The following BANK1 variants were observed in gnomAD, a reference collection of about 807,000 sequenced individuals.
BANK1 encodes B cell scaffold protein with ankyrin repeats 1.
A neutral mutation model predicts 94.5 loss-of-function variants in BANK1; 95 were observed. That is an observed-to-expected ratio of 1.00 (90% CI 0.85 to 1.19). BANK1 has a LOEUF of 1.19. Ranked by LOEUF, BANK1 falls within the 50% of genes most tolerant of loss-of-function variation. BANK1 has a pLI of 0.00. For synonymous variants in BANK1, 334 were observed against 308.4 expected (o/e 1.08, Z -0.87); for missense variants, 987 against 932.2 (o/e 1.06, Z -0.77).
At chr4:101,936,416 T>C (rs1161264345) in intron 7 of BANK1, among the ~76,000 whole-genome samples, 5 of 150,330 alleles carry the variant, frequency 3.3e-5, no homozygotes, top group Non-Finnish European at 5.9e-5. Flanking sequence ...CGTATGCATG[T>C]ATACATGCAT....
chr4:101,862,906 A>G (rs1026384879), intron 4 of BANK1, among the ~76,000 whole-genome samples: 6 of 152,062 alleles, frequency 3.9e-5, no homozygotes, highest in Admixed American at 3.3e-4. Context: ...AACATCATAC[A>G]TTTTTAAATA....
intron 1 of BANK1, chr4:101,814,013 A>G: frequency 1.8e-6 from 1 of 563,392 alleles, no homozygotes; most frequent in Non-Finnish European, 2.3e-6. Context: ...AAATTTTGAG[A>G]TGATATTTCT....
intron 7 of BANK1, among the ~76,000 whole-genome samples, chr4:101,995,291 C>T (rs1156473190): frequency 1.3e-5 from 2 of 152,168 alleles, no homozygotes; most frequent in Non-Finnish European, 2.9e-5. Flanking sequence ...TTCTTTATGG[C>T]TGCATAGTAC....
rs143704588 is a variant in BANK1, at chr4:101,987,386, T to C, written c.1207-34128T>C. Among the ~76,000 whole-genome samples the C allele has an allele frequency of 8.5e-4, 130 of 152,272 alleles. 1 individual carries two copies. The East Asian group carries it at 0.023, about 27-fold the overall frequency. On this transcript the variant is annotated intron_variant, in intron 7 of 16. Transcript: ENST00000322953. ...AAACTGAGTCACAGAGAGTTTATGT[T>C]ACATTTTCAAGGTCTTGCTGATAAT...
chr4:102,067,375 C>G (rs1289646854), intron 13 of BANK1, among the ~76,000 whole-genome samples: 2 of 151,914 alleles, frequency 1.3e-5, no homozygotes, highest in East Asian at 3.9e-4. Flanking sequence ...AGACTGGAAA[C>G]AAAAGCAATA....
intron 7 of BANK1, among the ~76,000 whole-genome samples, chr4:102,010,068 C>T (rs749370540): frequency 4.6e-5 from 7 of 151,848 alleles, no homozygotes; most frequent in Admixed American, 3.9e-4. Flanking sequence ...AGATCGAGAC[C>T]ATCCTGGCTA....
chr4:101,868,490 G>T (rs1403218235), intron 4 of BANK1, among the ~76,000 whole-genome samples: 1 of 151,930 alleles, frequency 6.6e-6, no homozygotes, highest in Admixed American at 6.6e-5. Context: ...TGCTGGAATT[G>T]AAAAGAGCAA....
At chr4:101,825,245 T>G (rs1245936615) in intron 1 of BANK1, among the ~76,000 whole-genome samples, 1 of 152,152 alleles carries the variant, frequency 6.6e-6, no homozygotes, top group Non-Finnish European at 1.5e-5. Flanking sequence ...ATTGTTTCAT[T>G]GCAAAGCCTA....
chr4:102,010,613 G>A (rs1002454232), intron 7 of BANK1, among the ~76,000 whole-genome samples: 7 of 151,850 alleles, frequency 4.6e-5, no homozygotes, highest in South Asian at 2.1e-4. Flanking sequence ...GGCTGGTCTC[G>A]AACTCCTGAA....
At chr4:102,003,273 A>G (rs1219197923) in intron 7 of BANK1, among the ~76,000 whole-genome samples, 1 of 152,238 alleles carries the variant, frequency 6.6e-6, no homozygotes, top group Non-Finnish European at 1.5e-5. Flanking sequence ...TCAGTGGATT[A>G]AAACCATGAC....
At chr4:101,978,164 A>T (rs1369538747) in intron 7 of BANK1, among the ~76,000 whole-genome samples, 2 of 151,934 alleles carry the variant, frequency 1.3e-5, no homozygotes, top group Non-Finnish European at 2.9e-5. Flanking sequence ...AAAAAAGAAA[A>T]AAAGAAAACA....
At chr4:101,812,622 G>A (rs370990599) in intron 1 of BANK1, among the ~76,000 whole-genome samples, 1 of 151,942 alleles carries the variant, frequency 6.6e-6, no homozygotes, top group Non-Finnish European at 1.5e-5. Flanking sequence ...TTTAATAGGA[G>A]AGAAGAAAAT....
chr4:102,053,800 G>A (rs527395720), intron 11 of BANK1, among the ~76,000 whole-genome samples: 285 of 151,604 alleles, frequency 1.9e-3, no homozygotes, highest in Middle Eastern at 3.5e-3. Context: ...TAATTTAGTA[G>A]CAATAATCTG....
chr4:102,063,966 A>G (rs1231176959), intron 13 of BANK1, among the ~76,000 whole-genome samples: 1 of 152,152 alleles, frequency 6.6e-6, no homozygotes, highest in African/African-American at 2.4e-5. Flanking sequence ...AGTGGAGGTT[A>G]GGGGAGGGGA....
chr4:101,931,665 C>T (rs976276646), intron 7 of BANK1, among the ~76,000 whole-genome samples: 6 of 151,472 alleles, frequency 4.0e-5, no homozygotes, highest in African/African-American at 1.2e-4. Flanking sequence ...TTGAATAGCA[C>T]AAGTATTGAT....
Position 101,870,534 on chromosome 4 carries a change from G to A in BANK1, c.793G>A (p.Val265Ile). The A allele has an allele frequency of 6.2e-7, 1 of 1,612,554 alleles. No homozygotes were observed. Among genetic ancestry groups the A allele is most frequent in the Non-Finnish European group, 8.5e-7 (1 of 1,179,116 alleles). ...TCCTGCTGGTTCAGTCCATGTCAAT[G>A]TCTACTGTGATGGAATCGTTAAAGC... ...EFPAGSVHVN[V>I]YCDGIVKATT... The change falls in exon 5 of 17, where the codon GTC becomes ATC. Residue 265 changes from valine to isoleucine, a missense_variant. Physicochemically the swap from Val to Ile is conservative, Grantham distance 29. Coordinates refer to ENST00000322953, the MANE Select transcript of BANK1 (RefSeq NM_017935.5).
chr4:101,868,153 GT>G (rs1160832774), intron 4 of BANK1, among the ~76,000 whole-genome samples: 1 of 151,980 alleles, frequency 6.6e-6, no homozygotes, highest in Non-Finnish European at 1.5e-5. Context: ...TGGTGCAAAA[GT>G]AATTGCGGTT....
chr4:102,050,500 G>GA (rs1005766847), intron 11 of BANK1, among the ~76,000 whole-genome samples: 94 of 152,252 alleles, frequency 6.2e-4, no homozygotes, highest in African/African-American at 2.1e-3. Context: ...ATCAACATGT[G>GA]AAAAAATCCC....
rs778935117 is a variant in BANK1 at position 102,025,215 on chromosome 4, G to A, written c.1300G>A (p.Ala434Thr). Reference protein sequence around the residue: ...STYIPSTQNPAFHHESRKTYG... With the variant: ...STYIPSTQNPTFHHESRKTYG... Reference sequence around the variant, plus strand: ...ATCATAAACAGCCACACAGAACCCAGCATTTCATCATGAAAGCAGGAAGAC... The same window carrying A: ...ATCATAAACAGCCACACAGAACCCAACATTTCATCATGAAAGCAGGAAGAC... The change falls in exon 9 of 17, where the codon GCA becomes ACA. Residue 434 changes from alanine (A) to threonine (T), a missense_variant. Physicochemically the swap from Ala to Thr is moderately conservative, Grantham distance 58. Coordinates refer to ENST00000322953, the MANE Select transcript of BANK1 (RefSeq NM_017935.5). 4 of 1,613,982 alleles carry A rather than the reference G, an allele frequency of 2.5e-6. No homozygotes were observed. In the South Asian group the frequency reaches 3.3e-5, roughly 13 times the overall value.
Sources: allele counts gnomAD v4.1 joint callset (sites outside exome capture counted in the v4.1 genomes callset), GRCh38; gene constraint gnomAD v4.1.1; transcripts MANE v1.5; gene names NCBI Gene and HGNC (gene_info 2026-07-23, HGNC 2026-07-21).